The following UNC5B variants were observed in gnomAD, a reference collection of about 807,000 sequenced individuals.
UNC5B encodes unc-5 netrin receptor B.
Under a neutral mutation model 103.7 loss-of-function variants are expected in UNC5B, and 56 were observed. The observed-to-expected ratio is 0.54, with a 90% CI of 0.44 to 0.67. UNC5B has a LOEUF of 0.67. Ranked by LOEUF, UNC5B falls within the 30% of genes least tolerant of loss-of-function variation. The probability of loss-of-function intolerance (pLI) is 0.00; values close to 1 mark genes in which losing one functional copy is unlikely to be tolerated. For missense variants in UNC5B, 1,194 were observed against 1,284.5 expected, an observed-to-expected ratio of 0.93 and a Z score of 1.08; for synonymous variants, 577 against 542.0, an observed-to-expected ratio of 1.06 and a Z score of -0.90.
chr10:71,293,708 G>A lies in UNC5B; in HGVS notation c.1950G>A (p.Val650=). The A allele has an allele frequency of 6.3e-7, 1 of 1,590,134 alleles. No homozygotes were observed. The highest frequency in any genetic ancestry group is 8.6e-7 in the Non-Finnish European group (1 of 1,167,886). ...CTTGCTGTCCCCTACAGGAGGTGGT[G>A]ACCCTGGATGAGGAGACCCTGAACA... ...QAHQGHWEEV[V]TLDEETLNTP... is the part of the protein sequence containing the mutation. The change falls in exon 13 of 17, where the codon GTG becomes GTA. Residue 650 remains valine, a synonymous_variant. Transcript: ENST00000335350.
rs1044661577 is a variant in UNC5B, at chr10:71,299,636, G to T, written c.*359G>T. 4.0e-5 allele frequency: 7 copies of T among 176,984 alleles called. No homozygotes were observed. The East Asian group carries it at 8.1e-4, about 21-fold the overall frequency. 11.0% of individuals were successfully genotyped at this position (176,984 alleles called of 1,614,324 possible). A position where few individuals can be genotyped will look rare whatever the true frequency, so the allele number is the denominator to read the frequency against. On this transcript the variant is annotated 3_prime_UTR_variant, in exon 17 of 17. Transcript: ENST00000335350. ...GCCCGGCAACTTCTGGGTTCCATGG[G>T]TTTTAGTTCCGTTCTCGTTTTCTTC...
intron 1 of UNC5B, among the ~76,000 whole-genome samples, chr10:71,241,017 G>A (rs559272384): frequency 6.6e-6 from 1 of 152,216 alleles, no homozygotes; most frequent in Non-Finnish European, 1.5e-5. Flanking sequence ...GTGTCTGAGA[G>A]TCCATCATCA....
At chr10:71,257,751 G>A (rs1057283843) in intron 1 of UNC5B, among the ~76,000 whole-genome samples, 9 of 152,224 alleles carry the variant, frequency 5.9e-5, no homozygotes, top group Admixed American at 1.3e-4. Flanking sequence ...GGAAACAACC[G>A]CGCCTGTTGT....
chr10:71,246,677 A>G (rs77722727), intron 1 of UNC5B, among the ~76,000 whole-genome samples: 149 of 152,246 alleles, frequency 9.8e-4, no homozygotes, highest in African/African-American at 3.4e-3. Flanking sequence ...AACAATGAAT[A>G]TAATCACCCC....
At position 71,279,979 on chromosome 10, in the gene UNC5B, A is replaced by C. The variant is rs1390789811; in HGVS notation, c.238A>C (p.Lys80Gln). The change falls in exon 2 of 17, where the codon AAG (lysine) becomes CAG (glutamine). Residue 80 changes from lysine to glutamine, a missense_variant. Lys to Gln is a moderately conservative substitution (Grantham distance 53). Transcript: ENST00000335350. ...RAFPATQIYF[K>Q]CNGEWVSQND... ...CTTCCCCGCCACACAGATCTACTTC[A>C]AGTGCAACGGCGAGTGGGTCAGCCA... is the stretch of plus-strand genomic sequence containing the variant. 1 of 1,614,110 alleles carries C rather than the reference A, an allele frequency of 6.2e-7. No individual in the cohort carries two copies. The highest frequency in any genetic ancestry group is 8.5e-7 in the Non-Finnish European group (1 of 1,180,030).
intron 1 of UNC5B, among the ~76,000 whole-genome samples, chr10:71,236,771 G>A (rs532268444): frequency 6.6e-6 from 1 of 152,334 alleles, no homozygotes; most frequent in Admixed American, 6.5e-5. Context: ...GGATGGGGAG[G>A]TCCAGTGAAG....
At chr10:71,290,185 A>C (rs926888729) in intron 8 of UNC5B, among the ~76,000 whole-genome samples, 3 of 152,240 alleles carry the variant, frequency 2.0e-5, no homozygotes, top group African/African-American at 7.2e-5. Context: ...TAGTGGCTGC[A>C]TACGGGACAG....
Position 71,291,811 on chromosome 10 carries a change from C to A in UNC5B, c.1674C>A (p.Ile558=), listed in dbSNP as rs150945696. The change falls in exon 10 of 17, where the codon ATC becomes ATA. Residue 558 remains isoleucine, a synonymous_variant. Coordinates refer to ENST00000335350, the MANE Select transcript of UNC5B (RefSeq NM_170744.5). ...TFGCLGGRLS[I]PGTGVSLLVP... ...GCTGCCTGGGTGGGAGGCTCAGCATCCCCGGCACAGGTGAGCCCCTGCCCT... is the reference window on the plus strand; with the variant it reads ...GCTGCCTGGGTGGGAGGCTCAGCATACCCGGCACAGGTGAGCCCCTGCCCT... 2.5e-6 allele frequency: 4 copies of A among 1,596,626 alleles called. No individual in the cohort carries two copies. The highest frequency in any genetic ancestry group is 3.4e-6 in the Non-Finnish European group (4 of 1,176,436).
At chr10:71,290,735 A>G (rs937817068) in intron 8 of UNC5B, among the ~76,000 whole-genome samples, 180 bp from the exon 9 acceptor site, 1 of 152,164 alleles carries the variant, frequency 6.6e-6, no homozygotes, top group East Asian at 1.9e-4. Context: ...AGCCCATTTT[A>G]CCGATAGAGA....
chr10:71,293,865 G>A lies in UNC5B; in HGVS notation c.2107G>A (p.Ala703Thr), dbSNP rs776495244. The change falls in exon 13 of 17, where the codon GCC (alanine) becomes ACC (threonine). Residue 703 changes from alanine to threonine, a missense_variant. Ala to Thr is a moderately conservative substitution (Grantham distance 58, BLOSUM62 0). Coordinates refer to ENST00000335350, the MANE Select transcript of UNC5B (RefSeq NM_170744.5). The stretch of plus-strand genomic sequence containing the variant: ...GCTCCAGCTGGCCGTCTTCGCCCCC[G>A]CCCTCTGCACCTCCCTGGAGTACAG... ...KRLQLAVFAP[A>T]LCTSLEYSLR... The A allele has an allele frequency of 2.2e-5, 35 of 1,608,250 alleles. No individual in the cohort carries two copies. Among genetic ancestry groups the A allele is most frequent in the Admixed American group, 1.3e-4 (8 of 59,960 alleles).
At chr10:71,281,309 A>G (rs945734749) in intron 2 of UNC5B, among the ~76,000 whole-genome samples, 6 of 151,824 alleles carry the variant, frequency 4.0e-5, no homozygotes, top group Admixed American at 2.6e-4. Flanking sequence ...TTGGAGTCCC[A>G]TGCTCACCCA....
At position 71,293,437 on chromosome 10, in the gene UNC5B, GC is replaced by G; in HGVS notation, c.1809del (p.Ser604ArgfsTer2). ...TCAGAAGGGACCCAGACAGTATTGA[GC>G]CCCTCGGTGACCTGTGGACCCACAG... ...PLSEGTQTVLSPSVTCGPTGL... is the reference protein window; with the variant it reads ...PLSEGTQTVLXPSVTCGPTGL... On this transcript the variant is annotated frameshift_variant, in exon 12 of 17. Coordinates refer to ENST00000335350, the MANE Select transcript of UNC5B (RefSeq NM_170744.5). LOFTEE classifies it high-confidence loss of function. 6.2e-7 allele frequency: 1 copy of G among 1,613,948 alleles called. No individual in the cohort carries two copies.
At chr10:71,278,473 C>T (rs2132297128) in intron 1 of UNC5B, among the ~76,000 whole-genome samples, 1 of 152,318 alleles carries the variant, frequency 6.6e-6, no homozygotes, top group South Asian at 2.1e-4. Flanking sequence ...CCCGTACACA[C>T]ACTGCCCAGG....
intron 1 of UNC5B, among the ~76,000 whole-genome samples, chr10:71,231,632 C>A (rs1843685886): frequency 6.6e-6 from 1 of 151,938 alleles, no homozygotes; most frequent in African/African-American, 2.4e-5. Flanking sequence ...CACAATCGTA[C>A]GTAAAAATCT....
intron 1 of UNC5B, among the ~76,000 whole-genome samples, chr10:71,271,628 C>T (rs10740372): frequency 0.93 from 141,289 of 152,238 alleles, 65,605 homozygotes; most frequent in Middle Eastern, 0.98. Flanking sequence ...CTGTAAGCAG[C>T]GTGGCCCCCA....
intron 1 of UNC5B, among the ~76,000 whole-genome samples, chr10:71,254,407 C>T (rs1384420404): frequency 1.3e-5 from 2 of 152,224 alleles, no homozygotes; most frequent in African/African-American, 4.8e-5. Flanking sequence ...TCGTGGGGGG[C>T]ATAGGGCTGA....
chr10:71,292,528 A>G lies in UNC5B; in HGVS notation c.1746A>G (p.Leu582=). ...IPQGKFYEMY[L]LINKAESTLP... ...AGGGCAAGTTCTACGAGATGTATCT[A>G]CTCATCAACAAGGCAGAAAGTACCC... Residue 582 remains leucine (L), a synonymous_variant, in exon 11 of 17, where the codon CTA becomes CTG. Transcript: ENST00000335350. 6.2e-7 allele frequency: 1 copy of G among 1,605,178 alleles called. No individual in the cohort carries two copies. Among genetic ancestry groups the G allele is most frequent in the Non-Finnish European group, 8.5e-7 (1 of 1,176,112 alleles).
chr10:71,224,720 G>A (rs1467383802), intron 1 of UNC5B, among the ~76,000 whole-genome samples: 1 of 152,188 alleles, frequency 6.6e-6, no homozygotes, highest in African/African-American at 2.4e-5. Context: ...AATGGGCATG[G>A]TCAGTGAAGG....
rs1843273618 is a variant in UNC5B at position 71,213,663 on chromosome 10, C to T, written c.79+599C>T. ...GCTTTCCCCGAGATCGCTGGGCCCG[C>T]AGGTCTGGAAGAATTATTATTATTA... On this transcript the variant is annotated intron_variant, in intron 1 of 16. Transcript: ENST00000335350. This position sits in a 1 kb window ranked among gnomAD's most constrained non-coding sequence, Gnocchi z 4.1. Among the ~76,000 whole-genome samples the T allele has an allele frequency of 7.4e-6, 1 of 134,782 alleles. No homozygotes were observed. Among genetic ancestry groups the T allele is most frequent in the African/African-American group, 2.8e-5 (1 of 35,300 alleles). 88.4% of individuals were successfully genotyped at this position (134,782 alleles called of 152,430 possible).
Sources: allele counts gnomAD v4.1 joint callset (sites outside exome capture counted in the v4.1 genomes callset), GRCh38; gene constraint gnomAD v4.1.1; non-coding constraint Gnocchi (gnomAD v3.1); transcripts MANE v1.5; gene names NCBI Gene and HGNC (gene_info 2026-07-23, HGNC 2026-07-21).